The following HS6ST3 variants were observed in gnomAD, a reference collection of about 807,000 sequenced individuals.
HS6ST3 encodes heparan sulfate 6-O-sulfotransferase 3.
Under a neutral mutation model 36.7 loss-of-function variants are expected in HS6ST3, and 12 were observed. The ratio of observed to expected loss-of-function variants is 0.33; its 90% CI spans 0.21 to 0.53. HS6ST3 has a LOEUF of 0.53. Among genes scored for constraint, HS6ST3 ranks in the 20% least tolerant of loss-of-function variants. The probability of loss-of-function intolerance (pLI) is 0.95; values close to 1 mark genes in which losing one functional copy is unlikely to be tolerated. For synonymous variants in HS6ST3, 240 were observed against 257.5 expected (o/e 0.93, Z 0.65); for missense variants, 584 against 640.9 (o/e 0.91, Z 0.96).
chr13:96,497,468 A>C (rs1236133480), intron 1 of HS6ST3, among the ~76,000 whole-genome samples: 5 of 152,138 alleles, frequency 3.3e-5, no homozygotes, highest in African/African-American at 1.2e-4. Flanking sequence ...GTATATGCCA[A>C]ATCAATCCAT....
At position 96,687,361 on chromosome 13, in the gene HS6ST3, G is replaced by A. The variant is rs528446043; in HGVS notation, c.708-145129G>A. Reference sequence around the variant, plus strand: ...ATGGTGTGTTCTTTTTTGTGTGTGCGATTTGGTCACAGTTGGCTGAAAGTC... The same window carrying A: ...ATGGTGTGTTCTTTTTTGTGTGTGCAATTTGGTCACAGTTGGCTGAAAGTC... On this transcript the variant is annotated intron_variant, in intron 1 of 1. Coordinates refer to ENST00000376705, the MANE Select transcript of HS6ST3 (RefSeq NM_153456.4). 1.4e-4 allele frequency among the ~76,000 whole-genome samples: 21 copies of A among 151,978 alleles called. No individual in the cohort carries two copies. The South Asian group carries it at 1.5e-3, about 11-fold the overall frequency.
intron 1 of HS6ST3, among the ~76,000 whole-genome samples, chr13:96,612,027 TG>T (rs2056458738): frequency 6.6e-6 from 1 of 152,082 alleles, no homozygotes. Context: ...TAAGAGATTG[TG>T]GGGACTTGAT....
intron 1 of HS6ST3, among the ~76,000 whole-genome samples, chr13:96,220,451 G>A (rs1437485355): frequency 5.9e-5 from 9 of 152,102 alleles, no homozygotes; most frequent in Non-Finnish European, 1.2e-4. Context: ...ACAGTCATCC[G>A]AAGTCATTTT....
At chr13:96,537,963 A>G (rs2056162391) in intron 1 of HS6ST3, among the ~76,000 whole-genome samples, 2 of 152,202 alleles carry the variant, frequency 1.3e-5, no homozygotes, top group African/African-American at 4.8e-5. Flanking sequence ...AGAAGAGGTG[A>G]GCATGAGATA....
chr13:96,250,751 G>A (rs901607463), intron 1 of HS6ST3, among the ~76,000 whole-genome samples: 1 of 152,212 alleles, frequency 6.6e-6, no homozygotes, highest in Non-Finnish European at 1.5e-5. Context: ...GATACCGGCA[G>A]TACGTACCTT....
At chr13:96,476,314 G>A (rs1426651633) in intron 1 of HS6ST3, among the ~76,000 whole-genome samples, 6 of 152,096 alleles carry the variant, frequency 3.9e-5, no homozygotes, top group Non-Finnish European at 7.4e-5. Flanking sequence ...TGGGGACAGA[G>A]AGCCAGAGAA....
chr13:96,788,402 C>A (rs977434231), intron 1 of HS6ST3, among the ~76,000 whole-genome samples: 2 of 151,928 alleles, frequency 1.3e-5, no homozygotes, highest in Non-Finnish European at 1.5e-5. Context: ...CTGTATCTTA[C>A]CTGCAGTGAA....
At chr13:96,431,366 G>A (rs2055615092) in intron 1 of HS6ST3, among the ~76,000 whole-genome samples, 1 of 152,120 alleles carries the variant, frequency 6.6e-6, no homozygotes, top group African/African-American at 2.4e-5. Flanking sequence ...AAATCTCATT[G>A]TCAGTCTCTC....
At chr13:96,508,768 A>G (rs562260061) in intron 1 of HS6ST3, among the ~76,000 whole-genome samples, 6 of 152,144 alleles carry the variant, frequency 3.9e-5, no homozygotes, top group African/African-American at 1.4e-4. Flanking sequence ...TTCTTTATCC[A>G]CACATTAGTT....
intron 1 of HS6ST3, among the ~76,000 whole-genome samples, chr13:96,236,849 C>T (rs1313222444): frequency 6.6e-6 from 1 of 152,198 alleles, no homozygotes; most frequent in Non-Finnish European, 1.5e-5. Context: ...CTTCCCACTT[C>T]TCTGTCAGCT....
Position 96,658,678 on chromosome 13 carries a change from A to G in HS6ST3, c.708-173812A>G, listed in dbSNP as rs189969135. On this transcript the variant is annotated intron_variant, in intron 1 of 1. Coordinates refer to ENST00000376705, the MANE Select transcript of HS6ST3 (RefSeq NM_153456.4). Reference sequence around the variant, plus strand: ...AATGTTTTTGTATGGCGGTTATATGAACTCTTTTATTTATTTATTTATTTT... The same window carrying G: ...AATGTTTTTGTATGGCGGTTATATGGACTCTTTTATTTATTTATTTATTTT... Among the ~76,000 whole-genome samples, 93 of 151,044 alleles carry G rather than the reference A, an allele frequency of 6.2e-4. No individual in the cohort carries two copies. The East Asian group carries it at 0.018, about 29-fold the overall frequency.
chr13:96,247,385 T>C (rs1470880781), intron 1 of HS6ST3, among the ~76,000 whole-genome samples: 1 of 152,114 alleles, frequency 6.6e-6, no homozygotes, highest in East Asian at 1.9e-4. Context: ...GGTGATTGGA[T>C]CGTGGGGGTG....
chr13:96,172,845 GA>G (rs1245471741), intron 1 of HS6ST3, among the ~76,000 whole-genome samples: 2 of 152,290 alleles, frequency 1.3e-5, no homozygotes, highest in African/African-American at 2.4e-5. Context: ...AATAGACACA[GA>G]AAAATAATAA....
intron 1 of HS6ST3, among the ~76,000 whole-genome samples, chr13:96,780,025 A>G (rs1381761657): frequency 6.6e-6 from 1 of 152,220 alleles, no homozygotes; most frequent in African/African-American, 2.4e-5. Context: ...ATTAGAAAGC[A>G]GAGTGAGCAG....
chr13:96,483,650 CATTAT>C (rs2055900311), intron 1 of HS6ST3, among the ~76,000 whole-genome samples: 1 of 152,120 alleles, frequency 6.6e-6, no homozygotes, highest in African/African-American at 2.4e-5. Context: ...TTACTTATCA[CATTAT>C]ATTACTGGGC....
At position 96,254,496 on chromosome 13, in the gene HS6ST3, TATACACATAC is replaced by T. The variant is rs57269401; in HGVS notation, c.707+162935_707+162944del. Among the ~76,000 whole-genome samples, 86 of 21,890 alleles carry T rather than the reference TATACACATAC, an allele frequency of 3.9e-3. 8 individuals are homozygous for T. Among genetic ancestry groups the T allele is most frequent in the African/African-American group, 7.9e-3 (47 of 5,972 alleles). The allele number at this position is 21,890 out of a possible 152,430, so 14.4% of individuals were successfully genotyped here. A position where few individuals can be genotyped will look rare whatever the true frequency, so the allele number is the denominator to read the frequency against. ...ATATATATATATATATATATATATATATACACATACATACACACACACACTTTTTTCTTTT... is the reference window on the plus strand; with the variant it reads ...ATATATATATATATATATATATATATATACACACACACACTTTTTTCTTTT... On this transcript the variant is annotated intron_variant, in intron 1 of 1. Transcript: ENST00000376705.
intron 1 of HS6ST3, among the ~76,000 whole-genome samples, chr13:96,452,781 A>G (rs1218551595): frequency 6.6e-6 from 1 of 151,928 alleles, no homozygotes; most frequent in Non-Finnish European, 1.5e-5. Context: ...GAATTCCTCT[A>G]TGTTTTTTAA....
intron 1 of HS6ST3, among the ~76,000 whole-genome samples, chr13:96,492,290 C>T (rs1296605541): frequency 6.6e-6 from 1 of 152,220 alleles, no homozygotes; most frequent in African/African-American, 2.4e-5. Context: ...AAAAGACTCT[C>T]AGTTCTCTCA....
chr13:96,121,614 C>T (rs1234366433), intron 1 of HS6ST3, among the ~76,000 whole-genome samples: 1 of 152,206 alleles, frequency 6.6e-6, no homozygotes, highest in Admixed American at 6.5e-5. Flanking sequence ...AACTCTCCTC[C>T]AGTCCATGGT....
Sources: gnomAD v4.1 joint callset for allele counts (sites outside exome capture counted in the v4.1 genomes callset) on GRCh38, gnomAD v4.1.1 for gene constraint, MANE v1.5 for transcripts, NCBI Gene and HGNC (gene_info 2026-07-23, HGNC 2026-07-21) for gene names.